The following LHFPL3 variants were observed in gnomAD, a reference collection of about 807,000 sequenced individuals.
The protein encoded by LHFPL3 is LHFPL tetraspan subfamily member 3 protein.
LHFPL3 carries 5 observed loss-of-function variants against 19.3 expected under a neutral mutation model. The observed-to-expected ratio is 0.26, with a 90% CI of 0.14 to 0.54. The LOEUF (loss-of-function observed/expected upper bound fraction) is 0.54. Among genes scored for constraint, LHFPL3 ranks in the 20% least tolerant of loss-of-function variants. LHFPL3 has a pLI of 0.94. For missense variants in LHFPL3, 249 were observed against 307.4 expected (o/e 0.81, Z 1.42); for synonymous variants, 133 against 126.2 (o/e 1.05, Z -0.36).
intron 2 of LHFPL3, among the ~76,000 whole-genome samples, chr7:104,856,678 G>A (rs76761937): frequency 0.016 from 2,372 of 152,316 alleles, 75 homozygotes; most frequent in African/African-American, 0.051. Flanking sequence ...TTGTACACGT[G>A]AGAATCTTTA....
intron 1 of LHFPL3, among the ~76,000 whole-genome samples, chr7:104,449,651 G>T (rs1027054832): frequency 1.3e-5 from 2 of 152,118 alleles, no homozygotes; most frequent in African/African-American, 2.4e-5. Context: ...TAGTCAGAGG[G>T]TTTGCCTTAA....
At chr7:104,403,409 T>G (rs747245913) in intron 1 of LHFPL3, among the ~76,000 whole-genome samples, 8 of 152,194 alleles carry the variant, frequency 5.3e-5, no homozygotes, top group Admixed American at 1.3e-4. Flanking sequence ...ACAAGGACTA[T>G]GTCTTATTCA....
chr7:104,453,012 TA>T lies in LHFPL3; in HGVS notation c.445+123789del, dbSNP rs927129373. Among the ~76,000 whole-genome samples the T allele has an allele frequency of 3.9e-5, 6 of 152,326 alleles. 1 individual carries two copies. The highest frequency in any genetic ancestry group is 3.9e-4 in the Admixed American group (6 of 15,298). ...ACACAAATCAACCTATACCCGTGCT[TA>T]TATACAGAAAGAACAGCCCTGTGTC... On this transcript the variant is annotated intron_variant, in intron 1 of 2. Transcript: ENST00000424859.
chr7:104,521,729 C>T (rs1238947855), intron 1 of LHFPL3, among the ~76,000 whole-genome samples: 1 of 152,134 alleles, frequency 6.6e-6, no homozygotes, highest in Non-Finnish European at 1.5e-5. Context: ...GGTCGAAGGA[C>T]ATGAACAGAC....
At chr7:104,357,237 T>C (rs1790297258) in intron 1 of LHFPL3, among the ~76,000 whole-genome samples, 1 of 152,206 alleles carries the variant, frequency 6.6e-6, no homozygotes, top group African/African-American at 2.4e-5. Flanking sequence ...CTGGGTCTCG[T>C]AGTATCATGA....
At position 104,522,988 on chromosome 7, in the gene LHFPL3, GTGTA is replaced by G. The variant is rs1026303897; in HGVS notation, c.445+193767_445+193770del. Among the ~76,000 whole-genome samples the G allele has an allele frequency of 2.0e-5, 3 of 151,620 alleles. No individual in the cohort carries two copies. In the South Asian group the frequency reaches 6.3e-4, roughly 32 times the overall value. ...TATATATATCTGTGTGTGTGTGTGT[GTGTA>G]TGCACACATATATGTATATATGCAC... On this transcript the variant is annotated intron_variant, in intron 1 of 2. Coordinates refer to ENST00000424859, the MANE Select transcript of LHFPL3 (RefSeq NM_199000.3).
intron 1 of LHFPL3, among the ~76,000 whole-genome samples, chr7:104,693,819 G>C (rs1250787830): frequency 8.3e-5 from 12 of 144,686 alleles, no homozygotes; most frequent in African/African-American, 2.8e-4. Context: ...TTTTAGTAGA[G>C]ATGGGGTTTC....
intron 1 of LHFPL3, among the ~76,000 whole-genome samples, chr7:104,692,321 C>G (rs7777352): frequency 0.29 from 44,208 of 152,202 alleles, 7,378 homozygotes; most frequent in East Asian, 0.52. Context: ...CAGAAATTTG[C>G]TGAAGTAACA....
In LHFPL3 at chr7:104,474,874, G is replaced by A. The variant is rs547851036; in HGVS notation, c.445+145650G>A. Among the ~76,000 whole-genome samples, 7 of 152,118 alleles carry A rather than the reference G, an allele frequency of 4.6e-5. 1 individual carries two copies. The South Asian group carries it at 1.2e-3, about 27-fold the overall frequency. On this transcript the variant is annotated intron_variant, in intron 1 of 2. Coordinates refer to ENST00000424859, the MANE Select transcript of LHFPL3 (RefSeq NM_199000.3). ...AGTGAAGGGTATAGAGGAAGCACAC[G>A]CCAAGATACAATCATGAAAAAAATA...
chr7:104,454,579 A>G (rs768250280), intron 1 of LHFPL3, among the ~76,000 whole-genome samples: 4 of 152,206 alleles, frequency 2.6e-5, no homozygotes, highest in Non-Finnish European at 5.9e-5. Flanking sequence ...ACTGTTTATC[A>G]GTAGCTGTAG....
chr7:104,824,349 G>A (rs1213557933), intron 2 of LHFPL3, among the ~76,000 whole-genome samples: 4 of 19,946 alleles, frequency 2.0e-4, no homozygotes, highest in Admixed American at 1.1e-3. Context: ...TATAATTATA[G>A]ATAATATATA....
chr7:104,382,450 T>C (rs1480326851), intron 1 of LHFPL3, among the ~76,000 whole-genome samples: 1 of 152,212 alleles, frequency 6.6e-6, no homozygotes, highest in Non-Finnish European at 1.5e-5. Flanking sequence ...ATGCTTTTGA[T>C]ACATGCTCAA....
chr7:104,668,796 C>G (rs1792415205), intron 1 of LHFPL3: 12 of 1,608,998 alleles, frequency 7.5e-6, no homozygotes, highest in Non-Finnish European at 1.0e-5. Context: ...GCTAGTAACT[C>G]CCAGTCCACT....
At chr7:104,854,719 C>A (rs1477995772) in intron 2 of LHFPL3, among the ~76,000 whole-genome samples, 1 of 152,006 alleles carries the variant, frequency 6.6e-6, no homozygotes, top group African/African-American at 2.4e-5. Flanking sequence ...CTCATAGCTT[C>A]AGTATGAAAA....
intron 1 of LHFPL3, among the ~76,000 whole-genome samples, chr7:104,490,822 G>A (rs940815611): frequency 5.3e-5 from 8 of 152,154 alleles, no homozygotes; most frequent in African/African-American, 1.9e-4. Flanking sequence ...AGCACTCTCT[G>A]GAATTCACTA....
intron 1 of LHFPL3, among the ~76,000 whole-genome samples, chr7:104,471,026 A>G (rs564315686): frequency 6.6e-6 from 1 of 152,232 alleles, no homozygotes; most frequent in Admixed American, 6.5e-5. Context: ...AAAAACTCCC[A>G]ATTTTTCTAC....
In LHFPL3 at chr7:104,430,390, A is replaced by G. The variant is rs796554064; in HGVS notation, c.445+101166A>G. Among the ~76,000 whole-genome samples, 43 of 59,426 alleles carry G rather than the reference A, an allele frequency of 7.2e-4. 1 individual carries two copies. The highest frequency in any genetic ancestry group is 1.2e-3 in the South Asian group (2 of 1,704). The allele number at this position is 59,426 out of a possible 152,430, so 39.0% of individuals were successfully genotyped here. ...TGTGGGTATATATATATACATATAT[A>G]TATATATATATATACATATATATAT... On this transcript the variant is annotated intron_variant, in intron 1 of 2. Coordinates refer to ENST00000424859, the MANE Select transcript of LHFPL3 (RefSeq NM_199000.3).
chr7:104,731,464 T>C lies in LHFPL3; in HGVS notation c.446-5211T>C, dbSNP rs186093146. 7.4e-3 allele frequency among the ~76,000 whole-genome samples: 1,125 copies of C among 152,308 alleles called. 15 individuals are homozygous for C. Among genetic ancestry groups the C allele is most frequent in the African/African-American group, 0.024 (997 of 41,554 alleles). ...ATCCCTTGTAAGTTGGATTCCTAGG[T>C]ATTTTATTCTCTTTGAAGCAATTGT... On this transcript the variant is annotated intron_variant, in intron 1 of 2. Transcript: ENST00000424859.
intron 2 of LHFPL3, among the ~76,000 whole-genome samples, chr7:104,766,163 G>T (rs920439355): frequency 2.0e-5 from 3 of 152,204 alleles, no homozygotes; most frequent in African/African-American, 7.2e-5. Context: ...GTCGAGCTTT[G>T]TTGGTATCTT....
Sources: allele counts gnomAD v4.1 joint callset (sites outside exome capture counted in the v4.1 genomes callset), GRCh38; gene constraint gnomAD v4.1.1; transcripts MANE v1.5; gene names NCBI Gene and HGNC (gene_info 2026-07-23, HGNC 2026-07-21).